The following TRAPPC9 variants were observed in gnomAD, a reference collection of about 807,000 sequenced individuals.
TRAPPC9 encodes the protein IKK2 binding protein.
A neutral mutation model predicts 124.0 loss-of-function variants in TRAPPC9; 83 were observed. That is an observed-to-expected ratio of 0.67 (90% confidence interval 0.56 to 0.80). TRAPPC9 has a LOEUF of 0.80. Ranked by LOEUF, TRAPPC9 falls within the 30% of genes least tolerant of loss-of-function variation. The pLI is 0.00. For missense variants in TRAPPC9, 1,302 were observed against 1,508.3 expected, an observed-to-expected ratio of 0.86 and a Z score of 2.27; for synonymous variants, 638 against 617.5, an observed-to-expected ratio of 1.03 and a Z score of -0.49.
At chr8:139,935,302 C>T (rs1011075258) in intron 19 of TRAPPC9, among the ~76,000 whole-genome samples, 3 of 152,196 alleles carry the variant, frequency 2.0e-5, no homozygotes, top group East Asian at 1.9e-4. Flanking sequence ...TGGGAGCTCT[C>T]GCGTATCCTG....
At chr8:139,835,905 T>C (rs1826308661) in intron 21 of TRAPPC9, among the ~76,000 whole-genome samples, 1 of 152,228 alleles carries the variant, frequency 6.6e-6, no homozygotes, top group Non-Finnish European at 1.5e-5. Context: ...TTGCCAGCTG[T>C]TTGGACAGGT....
intron 19 of TRAPPC9, among the ~76,000 whole-genome samples, chr8:139,954,618 C>T (rs1187340203): frequency 6.6e-6 from 1 of 152,182 alleles, no homozygotes; most frequent in Admixed American, 6.5e-5. Context: ...TCTAAATGGC[C>T]ATTTGTAAGA....
intron 21 of TRAPPC9, among the ~76,000 whole-genome samples, chr8:139,771,048 C>T (rs1820925640): frequency 6.6e-6 from 1 of 152,146 alleles, no homozygotes; most frequent in South Asian, 2.1e-4. Flanking sequence ...ATGCTGGAGA[C>T]ACTGAACTTG....
intron 17 of TRAPPC9, among the ~76,000 whole-genome samples, chr8:140,127,805 A>G (rs1008900555): frequency 6.6e-6 from 1 of 152,184 alleles, no homozygotes; most frequent in African/African-American, 2.4e-5. Flanking sequence ...CATGACACTA[A>G]AAGTCTCAGT....
intron 21 of TRAPPC9, among the ~76,000 whole-genome samples, chr8:139,817,148 C>T (rs1824901195): frequency 6.6e-6 from 1 of 151,922 alleles, no homozygotes; most frequent in South Asian, 2.1e-4. Context: ...AGGTCAGCCC[C>T]ATCAGCCCCA....
At chr8:140,142,892 G>A (rs541055049) in intron 17 of TRAPPC9, among the ~76,000 whole-genome samples, 14 of 152,090 alleles carry the variant, frequency 9.2e-5, no homozygotes, top group African/African-American at 3.1e-4. Flanking sequence ...AAAATGCCTC[G>A]CACCTGGTAG....
chr8:140,101,532 CTTTTTTTTGTTTTTTTT>C (rs1215808384), intron 17 of TRAPPC9, among the ~76,000 whole-genome samples: 24 of 78,728 alleles, frequency 3.0e-4, no homozygotes, highest in Admixed American at 1.1e-3. Context: ...GTAGGGTTTT[CTTTTTTTTGTTTTTTTT>C]TTTTTTTTTT....
At chr8:140,349,318 A>AGGAGAGGGCACACAAGG (rs1695383681) in intron 9 of TRAPPC9, among the ~76,000 whole-genome samples, 1 of 133,822 alleles carries the variant, frequency 7.5e-6, no homozygotes, top group African/African-American at 2.9e-5. Context: ...GAGGCACGCA[A>AGGAGAGGGCACACAAGG]GGAGAGGGCA....
intron 16 of TRAPPC9, among the ~76,000 whole-genome samples, chr8:140,222,226 G>A (rs1194650274): frequency 6.6e-6 from 1 of 152,068 alleles, no homozygotes; most frequent in Admixed American, 6.5e-5. Context: ...TCCTCACCCA[G>A]CTTCAAGCAG....
intron 7 of TRAPPC9, among the ~76,000 whole-genome samples, chr8:140,382,782 G>A (rs1189251777): frequency 6.6e-6 from 1 of 152,206 alleles, no homozygotes; most frequent in Non-Finnish European, 1.5e-5. Context: ...AGACTTAAAT[G>A]TCCCTGTCTG....
chr8:139,842,329 C>G (rs964531823), intron 21 of TRAPPC9, among the ~76,000 whole-genome samples: 8 of 152,202 alleles, frequency 5.3e-5, no homozygotes, highest in African/African-American at 1.9e-4. Context: ...GAAACTTGCT[C>G]TAGAATTTCC....
chr8:140,147,216 G>A (rs1370816703), intron 17 of TRAPPC9, among the ~76,000 whole-genome samples: 3 of 152,176 alleles, frequency 2.0e-5, no homozygotes, highest in East Asian at 1.9e-4. Flanking sequence ...ACACGTTAGC[G>A]TGAACCAATG....
intron 21 of TRAPPC9, among the ~76,000 whole-genome samples, chr8:139,737,099 G>A (rs999826045): frequency 2.0e-4 from 30 of 152,336 alleles, no homozygotes; most frequent in Middle Eastern, 3.4e-3. Flanking sequence ...ACGTGAAAGC[G>A]CGGGTGCTGC....
At chr8:140,226,112 T>G (rs1254261188) in intron 16 of TRAPPC9, among the ~76,000 whole-genome samples, 1 of 152,170 alleles carries the variant, frequency 6.6e-6, no homozygotes, top group African/African-American at 2.4e-5. Flanking sequence ...CCCATGTGGT[T>G]CTGGTGGGAT....
chr8:139,806,920 C>G (rs577665896), intron 21 of TRAPPC9, among the ~76,000 whole-genome samples: 1 of 152,314 alleles, frequency 6.6e-6, no homozygotes, highest in South Asian at 2.1e-4. Context: ...TGTCTTTCAG[C>G]TTGACTTTGG....
In TRAPPC9 at chr8:139,777,523, G is replaced by GCT. The variant is rs1563806017; in HGVS notation, c.3056-45322_3056-45321insAG. Among the ~76,000 whole-genome samples the GCT allele has an allele frequency of 4.6e-5, 7 of 152,326 alleles. No individual in the cohort carries two copies. In the East Asian group the frequency reaches 9.6e-4, roughly 21 times the overall value. The stretch of plus-strand genomic sequence containing the variant: ...GTCAACATTTCCTGAATGAGCAAAT[G>GCT]AATGAAGGAAAGATTTCCTCCTTGA... On this transcript the variant is annotated intron_variant, in intron 21 of 22. Coordinates refer to ENST00000438773, the MANE Select transcript of TRAPPC9 (RefSeq NM_001160372.4).
chr8:140,207,018 A>G (rs986311122), intron 17 of TRAPPC9, among the ~76,000 whole-genome samples: 10 of 152,186 alleles, frequency 6.6e-5, no homozygotes, highest in African/African-American at 2.2e-4. Context: ...AGACAAGGAC[A>G]GTGCCAACGA....
Position 140,371,113 on chromosome 8 carries a change from T to C in TRAPPC9, c.1202A>G (p.His401Arg), listed in dbSNP as rs1184825877. Residue 401 changes from histidine (H) to arginine (R), a missense_variant, in exon 8 of 23, where the codon CAT (histidine) becomes CGT (arginine). Physicochemically the swap from His to Arg is conservative, Grantham distance 29. Transcript: ENST00000438773. ...GCGCTTGAAGAACGCAGACTTGCGA[T>C]GGAAGCCGATCAGCTCATAGAGCTC... is the stretch of plus-strand genomic sequence containing the variant. ...LSELYELIGF[H>R]RKSAFFKRVA... 1.2e-6 allele frequency: 2 copies of C among 1,614,188 alleles called. No homozygotes were observed. The highest frequency in any genetic ancestry group is 4.5e-5 in the East Asian group (2 of 44,888).
intron 21 of TRAPPC9, among the ~76,000 whole-genome samples, chr8:139,752,026 A>G (rs1262785469): frequency 6.7e-6 from 1 of 150,086 alleles, no homozygotes; most frequent in African/African-American, 2.5e-5. Flanking sequence ...TCCAAAATCC[A>G]CCACTCATCC....
Sources: gnomAD v4.1 joint callset for allele counts (sites outside exome capture counted in the v4.1 genomes callset) on GRCh38, gnomAD v4.1.1 for gene constraint, MANE v1.5 for transcripts, NCBI Gene and HGNC (gene_info 2026-07-23, HGNC 2026-07-21) for gene names.